The following USH2A variants were observed in gnomAD, a reference collection of about 807,000 sequenced individuals.
USH2A encodes the protein Usher syndrome 2A (autosomal recessive, mild).
A neutral mutation model predicts 538.9 loss-of-function variants in USH2A; 443 were observed. That is an observed-to-expected ratio of 0.82 (90% confidence interval 0.76 to 0.89). USH2A has a LOEUF of 0.89. Among genes scored for constraint, USH2A ranks in the 40% least tolerant of loss-of-function variants. USH2A has a pLI of 0.00. For synonymous variants in USH2A, 2,413 were observed against 2,273.5 expected (o/e 1.06, Z -1.75); for missense variants, 6,633 against 6,324.8 (o/e 1.05, Z -1.65).
intron 32 of USH2A, among the ~76,000 whole-genome samples, chr1:216,044,984 T>C (rs1190025644): frequency 6.6e-6 from 1 of 152,158 alleles, no homozygotes; most frequent in Non-Finnish European, 1.5e-5. Context: ...ACTGGATGAA[T>C]ACACAGCCCT....
At chr1:216,039,999 CT>C (rs1400220805) in intron 32 of USH2A, among the ~76,000 whole-genome samples, 2 of 151,640 alleles carry the variant, frequency 1.3e-5, no homozygotes, top group Admixed American at 1.3e-4. Context: ...CTCTTTCCCC[CT>C]GCCCACATCT....
intron 32 of USH2A, among the ~76,000 whole-genome samples, chr1:216,035,828 G>A (rs2029915322): frequency 6.6e-6 from 1 of 152,078 alleles, no homozygotes; most frequent in African/African-American, 2.4e-5. Context: ...TTTGTTGGAT[G>A]CCAGTTGGGT....
intron 3 of USH2A, among the ~76,000 whole-genome samples, chr1:216,396,682 G>C (rs2039219157): frequency 6.6e-6 from 1 of 152,064 alleles, no homozygotes; most frequent in African/African-American, 2.4e-5. Flanking sequence ...TTATGGCAAT[G>C]ACTTTTGCAT....
intron 32 of USH2A, among the ~76,000 whole-genome samples, chr1:216,008,524 T>C (rs966071998): frequency 6.6e-6 from 1 of 152,200 alleles, no homozygotes; most frequent in Admixed American, 6.5e-5. Flanking sequence ...CAAAGCCTGT[T>C]TGGTGGTCTC....
intron 9 of USH2A, among the ~76,000 whole-genome samples, chr1:216,295,716 G>A (rs1037406721): frequency 2.6e-5 from 4 of 151,914 alleles, no homozygotes; most frequent in African/African-American, 9.7e-5. Context: ...AGAGTTACAT[G>A]TTAAATTATG....
intron 11 of USH2A, among the ~76,000 whole-genome samples, chr1:216,260,254 C>T (rs2036344767): frequency 6.6e-6 from 1 of 152,252 alleles, no homozygotes; most frequent in Admixed American, 6.5e-5. Context: ...TAAATATTGA[C>T]AACATTCTTG....
chr1:216,177,509 C>T (rs899797247), intron 20 of USH2A, among the ~76,000 whole-genome samples: 67 of 152,118 alleles, frequency 4.4e-4, no homozygotes, highest in African/African-American at 1.5e-3. Context: ...TTACACACAA[C>T]GGTCCAGGCA....
chr1:216,195,397 A>AC (rs1230056026), intron 19 of USH2A, among the ~76,000 whole-genome samples: 3 of 152,160 alleles, frequency 2.0e-5, no homozygotes, highest in African/African-American at 7.2e-5. Context: ...AGCAGAATTT[A>AC]GTTTACAGAT....
chr1:216,401,342 C>T (rs186101807), intron 3 of USH2A, among the ~76,000 whole-genome samples: 36 of 152,084 alleles, frequency 2.4e-4, no homozygotes, highest in Admixed American at 6.5e-4. Context: ...AATGTGTTCA[C>T]GTAACCTACA....
intron 34 of USH2A, among the ~76,000 whole-genome samples, chr1:215,995,639 A>T (rs1454866875): frequency 6.6e-6 from 1 of 152,178 alleles, no homozygotes; most frequent in Non-Finnish European, 1.5e-5. Flanking sequence ...AACTAAACAA[A>T]ATAGTGGGGT....
chr1:215,955,370 A>G (rs899198415), intron 37 of USH2A, among the ~76,000 whole-genome samples: 4 of 152,226 alleles, frequency 2.6e-5, no homozygotes, highest in Non-Finnish European at 5.9e-5. Context: ...ATTTAGCACA[A>G]TAAAACAACA....
intron 38 of USH2A, among the ~76,000 whole-genome samples, chr1:215,933,172 G>A (rs2102498288): frequency 6.6e-6 from 1 of 151,774 alleles, no homozygotes; most frequent in East Asian, 1.9e-4. Context: ...CCTCCATTAT[G>A]GCACTGATTA....
intron 21 of USH2A, among the ~76,000 whole-genome samples, chr1:216,140,883 G>A (rs763939146): frequency 6.6e-6 from 1 of 152,214 alleles, no homozygotes; most frequent in African/African-American, 2.4e-5. Context: ...GAGACAGAGG[G>A]CTCTCAGCTA....
intron 32 of USH2A, 90 bp downstream of exon 32, chr1:216,046,341 T>C: frequency 1.7e-5 from 25 of 1,456,170 alleles, no homozygotes; most frequent in Non-Finnish European, 2.4e-5. Context: ...TTTGCAGATA[T>C]GGAACCCCTG....
chr1:215,898,624 T>C (rs1398576580), intron 40 of USH2A, among the ~76,000 whole-genome samples: 4 of 152,210 alleles, frequency 2.6e-5, no homozygotes, highest in Non-Finnish European at 5.9e-5. Flanking sequence ...AAGCATTCTA[T>C]TGAGCCATCA....
intron 16 of USH2A, among the ~76,000 whole-genome samples, chr1:216,203,199 CTA>C (rs59663585): frequency 6.6e-6 from 1 of 151,148 alleles, no homozygotes. Flanking sequence ...TAGTATTAAA[CTA>C]TATATATATA....
In USH2A at chr1:215,628,967, A is replaced by G. The variant is rs559508772; in HGVS notation, c.15366T>C (p.Cys5122=). 1.2e-6 allele frequency: 2 copies of G among 1,614,098 alleles called. No individual in the cohort carries two copies. Among genetic ancestry groups the G allele is most frequent in the South Asian group, 1.1e-5 (1 of 91,078 alleles). Residue 5122 remains cysteine, a synonymous_variant, in exon 71 of 72, where the codon TGT becomes TGC. Transcript: ENST00000307340. ...PVSIRSNRSA[C]VLRIPSQNQT... ...GGTTTTGACTCGGGATGCGCAGGAC[A>G]CATGCACTCCGGTTGCTGCGGATAC...
At chr1:215,876,353 G>A (rs1021176602) in intron 43 of USH2A, among the ~76,000 whole-genome samples, 5 of 152,156 alleles carry the variant, frequency 3.3e-5, no homozygotes, top group Admixed American at 2.0e-4. Flanking sequence ...GAACTAGGAT[G>A]TTTTCCCACC....
intron 12 of USH2A, among the ~76,000 whole-genome samples, chr1:216,248,054 G>A (rs1029796407): frequency 6.6e-6 from 1 of 151,958 alleles, no homozygotes; most frequent in African/African-American, 2.4e-5. Context: ...TAATCCTTTT[G>A]TATGCTCCTC....
Sources: gnomAD v4.1 joint callset for allele counts (sites outside exome capture counted in the v4.1 genomes callset) on GRCh38, gnomAD v4.1.1 for gene constraint, MANE v1.5 for transcripts, NCBI Gene and HGNC (gene_info 2026-07-23, HGNC 2026-07-21) for gene names.